ABCA13: variants seen among roughly 807,000 people sequenced by gnomAD.
ABCA13 encodes the protein ATP binding cassette subfamily A member 13, also known as ATP-binding cassette sub-family A member 13.
In ABCA13, 476 loss-of-function variants were observed where a neutral mutation model predicts 478.7. That is an observed-to-expected ratio of 0.99 (90% CI 0.92 to 1.07). The LOEUF is 1.07. Ranked by LOEUF, ABCA13 falls within the 50% of genes least tolerant of loss-of-function variation. The pLI is 0.00. For synonymous variants in ABCA13, 2,252 were observed against 2,158.9 expected, an observed-to-expected ratio of 1.04 and a Z score of -1.20; for missense variants, 6,060 against 5,910.6, an observed-to-expected ratio of 1.03 and a Z score of -0.83.
Position 48,278,174 on chromosome 7 carries a change from A to G in ABCA13, c.6980A>G (p.Asn2327Ser), listed in dbSNP as rs1361894785. ...CTGATGATACAAGACAGATTGATGA[A>G]CATTTTTTCAAGTTTAAAGGAGACT... Reference protein sequence around the residue: ...LTLMIQDRLMNIFSSLKETIY... With the variant: ...LTLMIQDRLMSIFSSLKETIY... The change falls in exon 18 of 62, where the codon AAC becomes AGC. Residue 2327 changes from asparagine to serine, a missense_variant. Transcript: ENST00000435803. 8 of 1,561,568 alleles carry G rather than the reference A, an allele frequency of 5.1e-6. No homozygotes were observed. Among genetic ancestry groups the G allele is most frequent in the East Asian group, 2.3e-5 (1 of 44,442 alleles).
chr7:48,519,985 T>C, intron 52 of ABCA13, 56 bp from the exon 53 acceptor site: 2 of 1,506,592 alleles, frequency 1.3e-6, no homozygotes, highest in East Asian at 2.3e-5. Context: ...TTGGTATATA[T>C]TATGAAAAGG....
chr7:48,198,827 G>A (rs1186790502), intron 3 of ABCA13, among the ~76,000 whole-genome samples: 2 of 152,156 alleles, frequency 1.3e-5, no homozygotes, highest in African/African-American at 4.8e-5. Flanking sequence ...CCACCTAAAC[G>A]GACTACAGGA....
intron 29 of ABCA13, among the ~76,000 whole-genome samples, chr7:48,344,547 A>G (rs1206062626): frequency 6.6e-6 from 1 of 152,156 alleles, no homozygotes. Context: ...ATGTTGTTTT[A>G]TGTCCACCTA....
rs182221287 is a variant in ABCA13, at chr7:48,591,683, C to T, written c.14641-3027C>T. ...TAGTTTTCAGTATACAGATCTTTCA[C>T]TTCCTTTGTTAAAATTATGCCTAAG... On this transcript the variant is annotated intron_variant, in intron 57 of 61. Coordinates refer to ENST00000435803, the MANE Select transcript of ABCA13 (RefSeq NM_152701.5). Among the ~76,000 whole-genome samples the T allele has an allele frequency of 3.7e-4, 56 of 152,058 alleles. No individual in the cohort carries two copies. In the East Asian group the frequency reaches 7.9e-3, roughly 21 times the overall value.
chr7:48,328,106 T>A (rs367773488), intron 27 of ABCA13, among the ~76,000 whole-genome samples: 102 of 152,294 alleles, frequency 6.7e-4, no homozygotes, highest in African/African-American at 2.3e-3. Context: ...TGATAATTAT[T>A]AAAGGTGAAA....
Position 48,263,924 on chromosome 7 carries a change from A to C in ABCA13, c.2006-5056A>C, listed in dbSNP as rs573371892. Among the ~76,000 whole-genome samples the C allele has an allele frequency of 9.2e-5, 14 of 151,984 alleles. No homozygotes were observed. The East Asian group carries it at 2.7e-3, about 29-fold the overall frequency. On this transcript the variant is annotated intron_variant, in intron 15 of 61. Transcript: ENST00000435803. ...GACAGTGAAAGTCTTCATCACTCCC[A>C]AAAGCTTCTTCTCTATTGTCAATTC...
At chr7:48,555,348 T>G (rs550123954) in intron 55 of ABCA13, among the ~76,000 whole-genome samples, 5 of 151,956 alleles carry the variant, frequency 3.3e-5, no homozygotes, top group African/African-American at 1.2e-4. Flanking sequence ...GCCTCATAGA[T>G]TGAGTTTGGA....
intron 3 of ABCA13, among the ~76,000 whole-genome samples, chr7:48,216,297 A>C (rs939550036): frequency 6.6e-6 from 1 of 152,156 alleles, no homozygotes; most frequent in Non-Finnish European, 1.5e-5. Flanking sequence ...GGTGGATATA[A>C]GGAGTTATCC....
chr7:48,394,572 C>T (rs1336876677), intron 38 of ABCA13, among the ~76,000 whole-genome samples: 1 of 152,184 alleles, frequency 6.6e-6, no homozygotes, highest in African/African-American at 2.4e-5. Flanking sequence ...GTGTATTAGT[C>T]TTCTGTTTCT....
chr7:48,185,647 G>A (rs575336032), intron 1 of ABCA13, among the ~76,000 whole-genome samples: 2 of 151,990 alleles, frequency 1.3e-5, no homozygotes, highest in African/African-American at 4.8e-5. Context: ...TGAAATAATT[G>A]CACAAACTTT....
intron 44 of ABCA13, among the ~76,000 whole-genome samples, chr7:48,468,216 T>G (rs1827099280): frequency 6.6e-6 from 1 of 152,168 alleles, no homozygotes; most frequent in African/African-American, 2.4e-5. Context: ...TATTGGACAT[T>G]TTGTTTGGAC....
At chr7:48,639,395 G>T (rs1794934397) in intron 59 of ABCA13, among the ~76,000 whole-genome samples, 1 of 152,202 alleles carries the variant, frequency 6.6e-6, no homozygotes, top group South Asian at 2.1e-4. Context: ...GAGGAGTGGG[G>T]TGTGGTGTGG....
At chr7:48,336,493 C>A (rs1344281881) in intron 28 of ABCA13, among the ~76,000 whole-genome samples, 1 of 152,102 alleles carries the variant, frequency 6.6e-6, no homozygotes, top group African/African-American at 2.4e-5. Context: ...TGGAAGCATC[C>A]TGGTGGGCCC....
intron 53 of ABCA13, among the ~76,000 whole-genome samples, chr7:48,521,255 T>A (rs1387404621): frequency 6.6e-6 from 1 of 152,166 alleles, no homozygotes; most frequent in Non-Finnish European, 1.5e-5. Flanking sequence ...TTCCAAGGGC[T>A]ATGTATTTCC....
At chr7:48,419,552 C>G (rs977053704) in intron 41 of ABCA13, among the ~76,000 whole-genome samples, 76 of 151,426 alleles carry the variant, frequency 5.0e-4, no homozygotes, top group Non-Finnish European at 1.9e-4. Flanking sequence ...ACGTAACATG[C>G]CTCTGCAATT....
At chr7:48,277,411 G>A (rs1217703218) in intron 17 of ABCA13, among the ~76,000 whole-genome samples, 2 of 152,174 alleles carry the variant, frequency 1.3e-5, no homozygotes, top group Non-Finnish European at 2.9e-5. Flanking sequence ...AGTTTTCCTG[G>A]CCCACTCAGG....
intron 20 of ABCA13, among the ~76,000 whole-genome samples, chr7:48,295,199 C>G (rs1031099074): frequency 2.0e-5 from 3 of 152,180 alleles, no homozygotes; most frequent in Non-Finnish European, 4.4e-5. Flanking sequence ...CTCGTTATTT[C>G]TTGTCTTTTT....
intron 32 of ABCA13, among the ~76,000 whole-genome samples, chr7:48,368,687 G>GTATATATATA (rs201820250): frequency 1.4e-3 from 175 of 122,742 alleles, no homozygotes; most frequent in African/African-American, 4.2e-3. Context: ...GTGTGTATGT[G>GTATATATATA]TATATATATA....
chr7:48,427,866 G>A lies in ABCA13; in HGVS notation c.12560G>A (p.Gly4187Asp). 1 of 1,597,288 alleles carries A rather than the reference G, an allele frequency of 6.3e-7. No individual in the cohort carries two copies. The highest frequency in any genetic ancestry group is 8.5e-7 in the Non-Finnish European group (1 of 1,171,896). ...CACAGGCCTACAGGACATCTGTCTG[G>A]CTACTGTAAGTACAGAATGGCTTCC... ...QNHRPTGHLSGYCGSLARPAT... is the reference protein window; with the variant it reads ...QNHRPTGHLSDYCGSLARPAT... The change falls in exon 42 of 62, where the codon GGC (glycine) becomes GAC (aspartate). Residue 4187 changes from glycine (G) to aspartate (D), a missense_variant. Gly to Asp is a moderately conservative substitution (Grantham distance 94). Coordinates refer to ENST00000435803, the MANE Select transcript of ABCA13 (RefSeq NM_152701.5).
Sources: allele counts gnomAD v4.1 joint callset (sites outside exome capture counted in the v4.1 genomes callset), GRCh38; gene constraint gnomAD v4.1.1; transcripts MANE v1.5; gene names NCBI Gene and HGNC (gene_info 2026-07-23, HGNC 2026-07-21).